NCKAP5: variants seen among roughly 807,000 people sequenced by gnomAD.
NCKAP5 encodes NCK associated protein 5, also known as nck-associated protein 5.
NCKAP5 carries 92 observed loss-of-function variants against 167.0 expected under a neutral mutation model. The ratio of observed to expected loss-of-function variants is 0.55; its 90% CI spans 0.47 to 0.66. The LOEUF (loss-of-function observed/expected upper bound fraction) is 0.66. NCKAP5 is among the 30% of genes least tolerant of loss of function. The pLI is 0.00. For synonymous variants in NCKAP5, 891 were observed against 877.4 expected (o/e 1.02, Z -0.27); for missense variants, 2,378 against 2,315.0 (o/e 1.03, Z -0.56).
At chr2:132,911,477 T>C (rs547663716) in intron 8 of NCKAP5, among the ~76,000 whole-genome samples, 1 of 152,338 alleles carries the variant, frequency 6.6e-6, no homozygotes, top group African/African-American at 2.4e-5. Flanking sequence ...TATGCCTCTC[T>C]TGTATCAGGT....
the NCKAP5 span, among the ~76,000 whole-genome samples, chr2:133,603,858 T>G: frequency 6.6e-6 from 1 of 152,190 alleles, no homozygotes. Flanking sequence ...TTTAATCCAG[T>G]GCTTGGTTTC....
rs1310255505 is a variant in NCKAP5 at position 133,233,546 on chromosome 2, A to C, written c.144-19767T>G. Among the ~76,000 whole-genome samples, 3 of 152,120 alleles carry C rather than the reference A, an allele frequency of 2.0e-5. No homozygotes were observed. The South Asian group carries it at 6.2e-4, about 32-fold the overall frequency. ...ATTCTGCTGAATATAGATGCTTCCT[A>C]TTTCCTAGTTTCATATACATTATAT... is the stretch of plus-strand genomic sequence containing the variant. On this transcript the variant is annotated intron_variant, in intron 4 of 19. Transcript: ENST00000409261.
chr2:133,433,353 T>A (rs1309578735), intron 3 of NCKAP5: 3 of 152,212 alleles, frequency 2.0e-5, no homozygotes, highest in Non-Finnish European at 2.9e-5. Context: ...GCCAATTTGA[T>A]ACCTTTTACT....
intron 3 of NCKAP5, among the ~76,000 whole-genome samples, chr2:133,359,793 G>A (rs1295299052): frequency 1.3e-5 from 2 of 152,050 alleles, no homozygotes; most frequent in African/African-American, 2.4e-5. Flanking sequence ...TATATATTTG[G>A]CTATACAATA....
chr2:133,226,122 T>G (rs1175324459), intron 4 of NCKAP5, among the ~76,000 whole-genome samples: 2 of 151,964 alleles, frequency 1.3e-5, no homozygotes, highest in African/African-American at 4.8e-5. Context: ...AAAATGTTTC[T>G]TAGAGACACG....
intron 3 of NCKAP5, among the ~76,000 whole-genome samples, chr2:133,387,129 T>C (rs1046720357): frequency 1.3e-5 from 2 of 152,246 alleles, no homozygotes; most frequent in Non-Finnish European, 2.9e-5. Context: ...TGATGCGGTT[T>C]CCTCCTAAAC....
At chr2:132,990,875 C>T (rs2077429565) in intron 7 of NCKAP5, among the ~76,000 whole-genome samples, 1 of 152,118 alleles carries the variant, frequency 6.6e-6, no homozygotes, top group Non-Finnish European at 1.5e-5. Context: ...ACAGCAGCAA[C>T]AGGAAACTAA....
rs746358234 is a variant in NCKAP5 at position 132,783,167 on chromosome 2, G to C, written c.3644C>G (p.Ala1215Gly). The C allele has an allele frequency of 1.2e-6, 2 of 1,613,800 alleles. No individual in the cohort carries two copies. The highest frequency in any genetic ancestry group is 4.5e-5 in the East Asian group (2 of 44,858). Reference sequence around the variant, plus strand: ...AAGCCCATCAGCTAAACTGCCCTGTGCTTGTGAATCCGGTAGGGTCACATT... The same window carrying C: ...AAGCCCATCAGCTAAACTGCCCTGTCCTTGTGAATCCGGTAGGGTCACATT... ...ERNVTLPDSQAQGSLADGLPL... is the reference protein window; with the variant it reads ...ERNVTLPDSQGQGSLADGLPL... The change falls in exon 14 of 20, where the codon GCA (alanine) becomes GGA (glycine). Residue 1215 changes from alanine (A) to glycine (G), a missense_variant. Transcript: ENST00000409261.
the NCKAP5 span, among the ~76,000 whole-genome samples, chr2:133,579,407 C>T: frequency 2.0e-4 from 31 of 152,180 alleles, no homozygotes; most frequent in African/African-American, 7.5e-4. Context: ...ACACATAGAA[C>T]TCAAAGGGTC....
At chr2:133,139,416 C>A (rs2082914928) in intron 5 of NCKAP5, among the ~76,000 whole-genome samples, 1 of 152,160 alleles carries the variant, frequency 6.6e-6, no homozygotes, top group Admixed American at 6.6e-5. Context: ...AAGTGACTGG[C>A]ATCCTTGTTT....
chr2:132,810,161 T>A (rs1685750118), intron 11 of NCKAP5, among the ~76,000 whole-genome samples: 1 of 152,214 alleles, frequency 6.6e-6, no homozygotes, highest in Non-Finnish European at 1.5e-5. Context: ...CTGCTGTTAA[T>A]CTTATAGGCT....
rs1199098928 is a variant in NCKAP5 at position 133,356,310 on chromosome 2, A to C, written c.70-53200T>G. Among the ~76,000 whole-genome samples, 2 of 152,082 alleles carry C rather than the reference A, an allele frequency of 1.3e-5. 1 individual carries two copies. Among genetic ancestry groups the C allele is most frequent in the Non-Finnish European group, 2.9e-5 (2 of 68,012 alleles). Reference sequence around the variant, plus strand: ...AACCTCTCAGGGGTACTGTGCAACAACTCTTCAGAAAAGCAAAGCAAAACA... The same window carrying C: ...AACCTCTCAGGGGTACTGTGCAACACCTCTTCAGAAAAGCAAAGCAAAACA... On this transcript the variant is annotated intron_variant, in intron 3 of 19. Transcript: ENST00000409261.
At chr2:133,553,722 A>C (rs996672012) in intron 2 of NCKAP5, among the ~76,000 whole-genome samples, 13 of 152,216 alleles carry the variant, frequency 8.5e-5, no homozygotes, top group Non-Finnish European at 1.9e-4. Flanking sequence ...TTTATTGCTC[A>C]ACCCGCTCAA....
chr2:132,767,332 C>T (rs895287823), intron 16 of NCKAP5, among the ~76,000 whole-genome samples: 8 of 152,046 alleles, frequency 5.3e-5, no homozygotes, highest in African/African-American at 1.5e-4. Context: ...CCGCAACCTC[C>T]GCCTCCCAGA....
chr2:133,609,879 A>G, the NCKAP5 span, among the ~76,000 whole-genome samples: 1 of 152,210 alleles, frequency 6.6e-6, no homozygotes, highest in Non-Finnish European at 1.5e-5. Flanking sequence ...AACAGCAATA[A>G]TAAGTAAGGC....
intron 5 of NCKAP5, among the ~76,000 whole-genome samples, chr2:133,146,892 C>T (rs1458407806): frequency 2.6e-5 from 4 of 152,062 alleles, no homozygotes; most frequent in Non-Finnish European, 5.9e-5. Flanking sequence ...AAAAAGAACT[C>T]AAGAAACAAT....
intron 3 of NCKAP5, among the ~76,000 whole-genome samples, chr2:133,507,667 G>A (rs1398515654): frequency 6.6e-6 from 1 of 152,200 alleles, no homozygotes; most frequent in Non-Finnish European, 1.5e-5. Flanking sequence ...TGGAGGCAGT[G>A]CCTCTGGTGT....
intron 19 of NCKAP5, among the ~76,000 whole-genome samples, chr2:132,693,619 CTT>C (rs1185832600): frequency 3.2e-4 from 27 of 84,484 alleles, no homozygotes; most frequent in African/African-American, 1.2e-3. Context: ...CCCACCCCGC[CTT>C]TTTTTTTTTT....
intron 6 of NCKAP5, among the ~76,000 whole-genome samples, chr2:133,056,997 G>A (rs2079826644): frequency 6.6e-6 from 1 of 152,146 alleles, no homozygotes; most frequent in South Asian, 2.1e-4. Flanking sequence ...TCACATTTTG[G>A]TCATTCGTGC....
Sources: gnomAD v4.1 joint callset for allele counts (sites outside exome capture counted in the v4.1 genomes callset) on GRCh38, gnomAD v4.1.1 for gene constraint, MANE v1.5 for transcripts, NCBI Gene and HGNC (gene_info 2026-07-23, HGNC 2026-07-21) for gene names.